The following ARMC3 variants were observed in gnomAD, a reference collection of about 807,000 sequenced individuals.
The protein encoded by ARMC3 is armadillo repeat-containing protein 3.
Under a neutral mutation model 90.3 loss-of-function variants are expected in ARMC3, and 74 were observed. The observed-to-expected ratio is 0.82, with a 90% confidence interval of 0.68 to 0.99. ARMC3 has a LOEUF of 0.99. Among genes scored for constraint, ARMC3 ranks in the 50% least tolerant of loss-of-function variants. The pLI is 0.00. For synonymous variants in ARMC3, 334 were observed against 361.8 expected (o/e 0.92, Z 0.87); for missense variants, 958 against 1,042.8 (o/e 0.92, Z 1.12).
At chr10:23,016,847 A>G (rs1369011609) in intron 16 of ARMC3, among the ~76,000 whole-genome samples, 1 of 152,312 alleles carries the variant, frequency 6.6e-6, no homozygotes, top group Middle Eastern at 3.4e-3. Flanking sequence ...ACGCTCTGTG[A>G]GACACACTCC....
intron 10 of ARMC3, 63 bp from the exon 11 acceptor site, chr10:22,998,084 CA>C (rs1837079482): frequency 6.4e-7 from 1 of 1,556,966 alleles, no homozygotes; most frequent in African/African-American, 1.4e-5. Context: ...AGCTTAGTTG[CA>C]TGCTCCAAAG....
intron 18 of ARMC3, 34 bp from the exon 19 acceptor site, chr10:23,037,236 C>T (rs1839154996): frequency 6.6e-7 from 1 of 1,519,552 alleles, no homozygotes; most frequent in African/African-American, 1.4e-5. Flanking sequence ...CTCTCCCGCA[C>T]CACCCTTGGT....
At chr10:23,008,424 G>T in intron 15 of ARMC3, 50 bp downstream of exon 15, 1 of 1,005,598 alleles carries the variant, frequency 9.9e-7, no homozygotes, top group East Asian at 2.7e-5. Flanking sequence ...CCTTTAATTT[G>T]AGTGTGAAAA....
chr10:22,976,281 A>G (rs1564366262), intron 8 of ARMC3, among the ~76,000 whole-genome samples: 1 of 152,140 alleles, frequency 6.6e-6, no homozygotes, highest in East Asian at 1.9e-4. Context: ...AGTCCATTTT[A>G]AATAGCCACA....
chr10:22,948,396 A>T (rs1834620095), intron 3 of ARMC3, among the ~76,000 whole-genome samples: 1 of 152,162 alleles, frequency 6.6e-6, no homozygotes, highest in African/African-American at 2.4e-5. Context: ...TTTCATATGA[A>T]ATCAATACAG....
At chr10:23,037,028 C>G (rs548259456) in intron 18 of ARMC3, among the ~76,000 whole-genome samples, 6 of 151,940 alleles carry the variant, frequency 3.9e-5, no homozygotes, top group African/African-American at 1.4e-4. Context: ...AGTGTTACTA[C>G]CTGAAAAAGG....
chr10:23,024,411 T>C (rs1838632412), intron 16 of ARMC3, among the ~76,000 whole-genome samples: 1 of 126,956 alleles, frequency 7.9e-6, no homozygotes, highest in African/African-American at 2.5e-5. Context: ...GATAGATAGA[T>C]AGATAGATAG....
At chr10:22,990,653 C>G (rs1182654790) in intron 10 of ARMC3, among the ~76,000 whole-genome samples, 3 of 152,178 alleles carry the variant, frequency 2.0e-5, no homozygotes, top group African/African-American at 7.2e-5. Flanking sequence ...GGTGCTTACT[C>G]ACAGTCACAG....
At chr10:22,938,788 A>G (rs1834209231) in intron 2 of ARMC3, among the ~76,000 whole-genome samples, 1 of 152,224 alleles carries the variant, frequency 6.6e-6, no homozygotes, top group Non-Finnish European at 1.5e-5. Context: ...AAGAAGAGAA[A>G]GAAAAGCAAG....
rs1835529934 is a variant in ARMC3, at chr10:22,968,289, T to C, written c.733-17T>C. 3.1e-6 allele frequency: 5 copies of C among 1,608,112 alleles called. No homozygotes were observed. Among genetic ancestry groups the C allele is most frequent in the East Asian group, 2.2e-5 (1 of 44,820 alleles). On this transcript the variant is annotated splice_polypyrimidine_tract_variant and intron_variant, in intron 7 of 18. Transcript: ENST00000298032. ...TTTAGTACAACTTTCTAAAGTTGTA[T>C]TTGCTTTTATTATTAGGAATTGAAT...
At chr10:22,966,254 G>T (rs1425043164) in intron 7 of ARMC3, among the ~76,000 whole-genome samples, 2 of 152,182 alleles carry the variant, frequency 1.3e-5, no homozygotes, top group African/African-American at 4.8e-5. Flanking sequence ...TGGCTCCTCT[G>T]TCAGTCTCAG....
Position 22,981,017 on chromosome 10 carries a change from G to A in ARMC3, c.917-323G>A, listed in dbSNP as rs371199563. ...TTTGTCCTTAGTGAACAAATAGCCT[G>A]TGAACACTGAATACCAGGTCAGGTG... On this transcript the variant is annotated intron_variant, in intron 8 of 18. Coordinates refer to ENST00000298032, the MANE Select transcript of ARMC3 (RefSeq NM_173081.5). Among the ~76,000 whole-genome samples the A allele has an allele frequency of 8.5e-5, 13 of 152,332 alleles. No individual in the cohort carries two copies. In the East Asian group the frequency reaches 1.3e-3, roughly 16 times the overall value.
intron 16 of ARMC3, among the ~76,000 whole-genome samples, chr10:23,024,829 C>T (rs1011397545): frequency 2.6e-5 from 4 of 152,036 alleles, no homozygotes; most frequent in East Asian, 3.9e-4. Flanking sequence ...AGTTATGATC[C>T]GACTGTATGC....
chr10:22,979,947 A>G (rs1836110175), intron 8 of ARMC3, among the ~76,000 whole-genome samples: 1 of 152,202 alleles, frequency 6.6e-6, no homozygotes, highest in South Asian at 2.1e-4. Flanking sequence ...ATATCTGTGT[A>G]TCAGGTGAAC....
At chr10:23,014,705 A>C (rs1470397261) in intron 16 of ARMC3, among the ~76,000 whole-genome samples, 1 of 152,150 alleles carries the variant, frequency 6.6e-6, no homozygotes, top group African/African-American at 2.4e-5. Flanking sequence ...TAGGAACAGA[A>C]AACCAAATAC....
At chr10:23,034,085 G>A (rs1196729658) in intron 18 of ARMC3, among the ~76,000 whole-genome samples, 1 of 152,126 alleles carries the variant, frequency 6.6e-6, no homozygotes, top group Non-Finnish European at 1.5e-5. Flanking sequence ...AGTTCCAAGC[G>A]AATTCTATTA....
In ARMC3 at chr10:23,006,944, C is replaced by T. The variant is rs750992443; in HGVS notation, c.1792C>T (p.Leu598=). ...KELCLQEPSD[L]RAVLLINSKS... ...GCTCTGCTTACAAGAACCAAGTGAC[C>T]TACGGGCTGTACTCTTAATCAACAG... Residue 598 remains leucine (L), a synonymous_variant, in exon 14 of 19, where the codon CTA becomes TTA. Coordinates refer to ENST00000298032, the MANE Select transcript of ARMC3 (RefSeq NM_173081.5). The T allele has an allele frequency of 6.2e-7, 1 of 1,613,632 alleles. No homozygotes were observed. The highest frequency in any genetic ancestry group is 8.5e-7 in the Non-Finnish European group (1 of 1,179,826).
chr10:23,035,433 T>TCATG (rs1839093012), intron 18 of ARMC3, among the ~76,000 whole-genome samples: 1 of 152,040 alleles, frequency 6.6e-6, no homozygotes, highest in Admixed American at 6.6e-5. Flanking sequence ...CTCAACTGAG[T>TCATG]CATGCAATTA....
chr10:22,975,314 GGAGGCC>G (rs1835871855), intron 8 of ARMC3, among the ~76,000 whole-genome samples: 1 of 152,220 alleles, frequency 6.6e-6, no homozygotes, highest in East Asian at 1.9e-4. Flanking sequence ...CAGCGGTTTG[GGAGGCC>G]GAGGCGGGTG....
Sources: gnomAD v4.1 joint callset for allele counts (sites outside exome capture counted in the v4.1 genomes callset) on GRCh38, gnomAD v4.1.1 for gene constraint, MANE v1.5 for transcripts, NCBI Gene and HGNC (gene_info 2026-07-23, HGNC 2026-07-21) for gene names.